KDM6A: variants seen among roughly 807,000 people sequenced by gnomAD.
The protein encoded by KDM6A is lysine-specific demethylase 6A.
Under a neutral mutation model 117.6 loss-of-function variants are expected in KDM6A, and 11 were observed. That is an observed-to-expected ratio of 0.09 (90% CI 0.06 to 0.15). The LOEUF (loss-of-function observed/expected upper bound fraction) is 0.15. Ranked by LOEUF, KDM6A falls within the 10% of genes least tolerant of loss-of-function variation. The pLI, the probability that KDM6A is intolerant of heterozygous loss-of-function variation, is 1.00. For missense variants in KDM6A, 799 were observed against 1,077.3 expected (o/e 0.74, Z 3.62); for synonymous variants, 384 against 396.1 (o/e 0.97, Z 0.36).
chrX:44,946,998 A>G (rs2037679161), intron 2 of KDM6A, among the ~76,000 whole-genome samples: 1 of 111,664 alleles, frequency 9.0e-6, no homozygotes, highest in South Asian at 3.6e-4. Context: ...TCTATGTTAT[A>G]TTTTACGTGT....
chrX:45,028,905 A>G (rs1420551057), intron 6 of KDM6A, among the ~76,000 whole-genome samples: 1 of 112,480 alleles, frequency 8.9e-6, no homozygotes, highest in Non-Finnish European at 1.9e-5. Flanking sequence ...TGCATGTTTG[A>G]AAAGTACATG....
chrX:44,999,766 G>A (rs765670850), intron 4 of KDM6A, among the ~76,000 whole-genome samples: 5 of 111,355 alleles, frequency 4.5e-5, no homozygotes, highest in African/African-American at 1.6e-4. Flanking sequence ...TCTGGATAAG[G>A]TGGAGGATAG....
chrX:45,092,652 A>G (rs1602998716), intron 27 of KDM6A, among the ~76,000 whole-genome samples: 1 of 111,851 alleles, frequency 8.9e-6, no homozygotes, highest in Admixed American at 9.5e-5. Flanking sequence ...GGAGACTTCA[A>G]TTCTAGTAGA....
At chrX:45,087,105 C>G (rs1313622673) in intron 25 of KDM6A, among the ~76,000 whole-genome samples, 1 of 112,828 alleles carries the variant, frequency 8.9e-6, no homozygotes, top group Non-Finnish European at 1.9e-5. Flanking sequence ...ATTCTCCTGC[C>G]TCAGCCTCCT....
At chrX:45,091,929 G>A (rs2045909373) in intron 27 of KDM6A, among the ~76,000 whole-genome samples, 4 of 111,294 alleles carry the variant, frequency 3.6e-5, no homozygotes, top group Admixed American at 1.9e-4. Context: ...AAGTTGTGTG[G>A]CCAAGGTAAC....
In KDM6A at chrX:45,059,250, G is replaced by A. The variant is rs1165752234; in HGVS notation, c.978G>A (p.Val326=). ...ASADTWCSIG[V]LYQQQNQPMD... ...TTTTCTTAATTTCTCTTTCCAGTGT[G>A]CTATATCAGCAGCAAAATCAGCCCA... The change falls in exon 12 of 30, where the codon GTG becomes GTA. Residue 326 remains valine (V), a synonymous_variant. Coordinates refer to ENST00000611820, the MANE Select transcript of KDM6A (RefSeq NM_001291415.2). 5 of 1,207,189 alleles carry A rather than the reference G, an allele frequency of 4.1e-6. No individual in the cohort carries two copies. The highest frequency in any genetic ancestry group is 5.6e-6 in the Non-Finnish European group (5 of 893,267).
intron 4 of KDM6A, among the ~76,000 whole-genome samples, chrX:44,996,774 T>G (rs2040879912): frequency 8.9e-6 from 1 of 111,780 alleles, no homozygotes; most frequent in African/African-American, 3.3e-5. Flanking sequence ...GGCAAGACTT[T>G]CCTAATTAAC....
intron 6 of KDM6A, among the ~76,000 whole-genome samples, chrX:45,029,266 C>G (rs1458471115): frequency 1.8e-5 from 2 of 110,250 alleles, no homozygotes; most frequent in East Asian, 5.7e-4. Flanking sequence ...GAAACCCTAT[C>G]CCTACTAAAA....
At chrX:45,040,437 G>A (rs1218951962) in intron 8 of KDM6A, among the ~76,000 whole-genome samples, 13 of 79,664 alleles carry the variant, frequency 1.6e-4, no homozygotes, top group East Asian at 4.8e-4. Context: ...GCGGCTGGCC[G>A]GGCGGGGGGC....
In KDM6A at chrX:45,051,692, CT is replaced by C; in HGVS notation, c.655-12del. The C allele has an allele frequency of 9.8e-7, 1 of 1,023,697 alleles. No individual in the cohort carries two copies. The highest frequency in any genetic ancestry group is 1.4e-6 in the Non-Finnish European group (1 of 730,334). 84.4% of individuals were successfully genotyped at this position (1,023,697 alleles called of 1,213,427 possible). On this transcript the variant is annotated splice_polypyrimidine_tract_variant and intron_variant, in intron 8 of 29. Transcript: ENST00000611820. The stretch of plus-strand genomic sequence containing the variant: ...ATTATGTTAATTTTTCTCCAAATCT[CT>C]TTTTCTGTTCTTTAGAGGAAATATC...
chrX:44,959,817 G>A (rs2038569076), intron 2 of KDM6A, among the ~76,000 whole-genome samples: 1 of 111,527 alleles, frequency 9.0e-6, no homozygotes, highest in Non-Finnish European at 1.9e-5. Flanking sequence ...AGACTTCAGT[G>A]TAGCATTCAG....
At position 45,061,350 on chromosome X, in the gene KDM6A, A is replaced by T. The variant is rs755126193; in HGVS notation, c.1512A>T (p.Gly504=). The T allele has an allele frequency of 1.7e-6, 2 of 1,182,322 alleles. No homozygotes were observed. ...TKNTSDNWSG[G]HAVSHPPVQQ... ...ATACTTCTGACAATTGGAGTGGTGG[A>T]CATGCTGTGTCACATCCTCCAGTAC... The change falls in exon 15 of 30, where the codon GGA becomes GGT. Residue 504 remains glycine (G), a synonymous_variant. Transcript: ENST00000611820.
At chrX:45,013,380 C>T (rs2041845263) in intron 5 of KDM6A, among the ~76,000 whole-genome samples, 1 of 111,541 alleles carries the variant, frequency 9.0e-6, no homozygotes, top group Non-Finnish European at 1.9e-5. Context: ...CTCATACCAG[C>T]CAGTTTTCGC....
chrX:45,070,356 A>C lies in KDM6A; in HGVS notation c.2857A>C (p.Arg953=), dbSNP rs2044762951. The change falls in exon 18 of 30, where the codon AGG becomes CGG. Residue 953 remains arginine, a splice_region_variant and synonymous_variant. Coordinates refer to ENST00000611820, the MANE Select transcript of KDM6A (RefSeq NM_001291415.2). ...PSSAEVLKAC[R]NLGKNGLSNS... ...CTCAGCAGAAGTTCTGAAGGCATGC[A>C]GGTTAGTGTGGGAAAGTTCATCAAA... 8.3e-7 allele frequency: 1 copy of C among 1,205,301 alleles called. No individual in the cohort carries two copies. Among genetic ancestry groups the C allele is most frequent in the African/African-American group, 1.7e-5 (1 of 57,150 alleles).
At chrX:45,003,990 C>T (rs967762789) in intron 4 of KDM6A, among the ~76,000 whole-genome samples, 18 of 107,044 alleles carry the variant, frequency 1.7e-4, no homozygotes, top group Non-Finnish European at 3.3e-4. Flanking sequence ...GCTGTTCTCC[C>T]CTCTCTTTCC....
chrX:44,885,212 A>C (rs1296912284), intron 2 of KDM6A, among the ~76,000 whole-genome samples: 1 of 103,840 alleles, frequency 9.6e-6, no homozygotes, highest in Non-Finnish European at 2.0e-5. Context: ...TTTTTTGTAG[A>C]GATGAGGTCC....
intron 6 of KDM6A, among the ~76,000 whole-genome samples, chrX:45,033,784 C>T (rs1016529796): frequency 9.1e-6 from 1 of 110,336 alleles, no homozygotes; most frequent in Non-Finnish European, 1.9e-5. Context: ...AACTCCTGAC[C>T]TCAGGTGATC....
intron 4 of KDM6A, among the ~76,000 whole-genome samples, chrX:45,005,363 C>T (rs2041383879): frequency 9.0e-6 from 1 of 110,707 alleles, no homozygotes; most frequent in Non-Finnish European, 1.9e-5. Context: ...GAGCTGGCTC[C>T]TCTGACTTTT....
At chrX:44,902,073 A>AAAAATTAGTTGGGTATGGTGGCGC (rs2034384013) in intron 2 of KDM6A, among the ~76,000 whole-genome samples, 1 of 111,252 alleles carries the variant, frequency 9.0e-6, no homozygotes, top group Non-Finnish European at 1.9e-5. Context: ...CTAAAAATAC[A>AAAAATTAGTTGGGTATGGTGGCGC]AAAATTAGTT....
Sources: allele counts gnomAD v4.1 joint callset (sites outside exome capture counted in the v4.1 genomes callset), GRCh38; gene constraint gnomAD v4.1.1; transcripts MANE v1.5; gene names NCBI Gene and HGNC (gene_info 2026-07-23, HGNC 2026-07-21).